NRIP1: variants seen among roughly 807,000 people sequenced by gnomAD.
NRIP1 encodes nuclear receptor-interacting protein 1.
A neutral mutation model predicts 75.0 loss-of-function variants in NRIP1; 28 were observed. That is an observed-to-expected ratio of 0.37 (90% confidence interval 0.28 to 0.51). The LOEUF (loss-of-function observed/expected upper bound fraction) is 0.51. Ranked by LOEUF, NRIP1 falls within the 20% of genes least tolerant of loss-of-function variation. NRIP1 has a pLI of 0.92. For synonymous variants in NRIP1, 526 were observed against 487.6 expected (o/e 1.08, Z -1.04); for missense variants, 1,435 against 1,343.7 (o/e 1.07, Z -1.06).
intron 2 of NRIP1, among the ~76,000 whole-genome samples, chr21:15,022,828 A>C (rs2088411200): frequency 6.6e-6 from 1 of 152,230 alleles, no homozygotes; most frequent in Admixed American, 6.5e-5. Flanking sequence ...GGGAAATAAA[A>C]ACCTGATGTC....
chr21:15,006,564 A>G (rs2087977498), intron 3 of NRIP1, among the ~76,000 whole-genome samples: 1 of 152,226 alleles, frequency 6.6e-6, no homozygotes, highest in Non-Finnish European at 1.5e-5. Flanking sequence ...AAGGTATGTC[A>G]TGATTAGTTC....
intron 3 of NRIP1, among the ~76,000 whole-genome samples, chr21:14,998,584 G>A (rs187720307): frequency 1.6e-3 from 246 of 152,274 alleles, no homozygotes; most frequent in African/African-American, 5.2e-3. Context: ...GGCTTGCACC[G>A]TGTGGGTCCA....
At chr21:15,029,520 T>C (rs2088595738) in intron 2 of NRIP1, among the ~76,000 whole-genome samples, 1 of 152,228 alleles carries the variant, frequency 6.6e-6, no homozygotes, top group African/African-American at 2.4e-5. Context: ...TAAGATACCA[T>C]AAATTGAATT....
chr21:14,964,921 C>T lies in NRIP1; in HGVS notation c.3272G>A (p.Arg1091Lys). ...GACACTTTCAGCAGATGAAGCCTCC[C>T]TCCAAATGTCCTTGTCTTGTGTTTC... ...SRETQDKDIW[R>K]EASSAESVSQ... Residue 1091 changes from arginine (R) to lysine (K), a missense_variant, in exon 4 of 4, where the codon AGG becomes AAG. Transcript: ENST00000318948. 3 of 1,613,680 alleles carry T rather than the reference C, an allele frequency of 1.9e-6. No homozygotes were observed. The highest frequency in any genetic ancestry group is 2.5e-6 in the Non-Finnish European group (3 of 1,179,768).
chr21:15,046,362 C>T (rs181653648), intron 1 of NRIP1, among the ~76,000 whole-genome samples: 57 of 152,276 alleles, frequency 3.7e-4, no homozygotes, highest in African/African-American at 1.3e-3. Flanking sequence ...TGACCAGGTG[C>T]GTGGTCAATA....
chr21:15,003,593 C>CTCCCCGCTGTCTCAGCAAGGTCG (rs2087897061), intron 3 of NRIP1, among the ~76,000 whole-genome samples: 1 of 152,200 alleles, frequency 6.6e-6, no homozygotes, highest in Non-Finnish European at 1.5e-5. Context: ...CAGGAGGCCC[C>CTCCCCGCTGTCTCAGCAAGGTCG]TCCCCGCTGT....
At chr21:15,017,604 A>G (rs2147190349) in intron 2 of NRIP1, among the ~76,000 whole-genome samples, 1 of 152,306 alleles carries the variant, frequency 6.6e-6, no homozygotes, top group African/African-American at 2.4e-5. Flanking sequence ...GGTTTAAGTT[A>G]CCCCAAATCA....
intron 3 of NRIP1, among the ~76,000 whole-genome samples, chr21:14,975,807 GGAATA>G (rs2087049075): frequency 6.6e-6 from 1 of 151,368 alleles, no homozygotes; most frequent in Non-Finnish European, 1.5e-5. Context: ...AGGACAGTTG[GGAATA>G]AATAATAAAT....
rs1010983934 is a variant in NRIP1 at position 14,968,460 on chromosome 21, T to A, written c.-268A>T. 1 of 347,974 alleles carries A rather than the reference T, an allele frequency of 2.9e-6. No individual in the cohort carries two copies. The highest frequency in any genetic ancestry group is 2.1e-5 in the African/African-American group (1 of 47,274). 21.6% of individuals were successfully genotyped at this position (347,974 alleles called of 1,614,324 possible). On this transcript the variant is annotated 5_prime_UTR_variant, in exon 4 of 4. Coordinates refer to ENST00000318948, the MANE Select transcript of NRIP1 (RefSeq NM_003489.4). ...GGTCTGTAGCAGTAAGCAGATAGAA[T>A]CCTTAGTGAATATATTCCTTTTCCT...
rs552104371 is a variant in NRIP1 at position 15,038,786 on chromosome 21, A to T, written c.-458+4709T>A. ...CCTATAAAGGCAAATTTTCAGAAAT[A>T]AAAAAAAATGTGTATCTTCTCCATG... is the stretch of plus-strand genomic sequence containing the variant. On this transcript the variant is annotated intron_variant, in intron 2 of 3. Coordinates refer to ENST00000318948, the MANE Select transcript of NRIP1 (RefSeq NM_003489.4). Among the ~76,000 whole-genome samples, 1,036 of 151,440 alleles carry T rather than the reference A, an allele frequency of 6.8e-3. 5 individuals are homozygous for T. The highest frequency in any genetic ancestry group is 0.012 in the Non-Finnish European group (806 of 67,718).
chr21:15,036,764 C>G (rs1262336361), intron 2 of NRIP1, among the ~76,000 whole-genome samples: 2 of 152,032 alleles, frequency 1.3e-5, no homozygotes, highest in East Asian at 1.9e-4. Flanking sequence ...AAAAAATACT[C>G]TTAAGAAATA....
At position 14,967,586 on chromosome 21, in the gene NRIP1, G is replaced by A; in HGVS notation, c.607C>T (p.Leu203Phe). 6.2e-7 allele frequency: 1 copy of A among 1,614,004 alleles called. No individual in the cohort carries two copies. Among genetic ancestry groups the A allele is most frequent in the Non-Finnish European group, 8.5e-7 (1 of 1,180,000 alleles). Residue 203 changes from leucine to phenylalanine, a missense_variant, in exon 4 of 4, where the codon CTT (leucine) becomes TTT (phenylalanine). Transcript: ENST00000318948. ...KVKDQKPDTN[L>F]PDVTKNLIRD... ...ATGAGGTTTTTAGTCACATCAGGAA[G>A]ATTCGTATCAGGCTTTTGATCTTTA...
intron 3 of NRIP1, among the ~76,000 whole-genome samples, chr21:15,001,821 A>T (rs2087855518): frequency 6.6e-6 from 1 of 152,158 alleles, no homozygotes; most frequent in Admixed American, 6.5e-5. Context: ...CTATGTCCAT[A>T]ACCACCTCCA....
intron 2 of NRIP1, among the ~76,000 whole-genome samples, chr21:15,017,454 G>C (rs930406195): frequency 1.1e-4 from 17 of 152,136 alleles, no homozygotes; most frequent in Non-Finnish European, 2.1e-4. Context: ...AGAACTAAGA[G>C]ACTTAACAGG....
At chr21:14,972,604 T>G (rs897036737) in intron 3 of NRIP1, among the ~76,000 whole-genome samples, 1 of 152,192 alleles carries the variant, frequency 6.6e-6, no homozygotes, top group Non-Finnish European at 1.5e-5. Context: ...CTTGAGTATA[T>G]TTAGTTACCA....
chr21:14,973,044 GGTTT>G (rs2086946891), intron 3 of NRIP1, among the ~76,000 whole-genome samples: 1 of 152,112 alleles, frequency 6.6e-6, no homozygotes, highest in African/African-American at 2.4e-5. Flanking sequence ...TGAATCCTCT[GGTTT>G]GTTATTTTCT....
intron 2 of NRIP1, among the ~76,000 whole-genome samples, chr21:15,016,388 C>G (rs1025213013): frequency 2.6e-5 from 4 of 152,066 alleles, no homozygotes; most frequent in African/African-American, 7.2e-5. Flanking sequence ...GTAGGGACCT[C>G]GGGAATTTCT....
rs924058346 is a variant in NRIP1 at position 14,965,886 on chromosome 21, A to T, written c.2307T>A (p.Asn769Lys). 6.2e-7 allele frequency: 1 copy of T among 1,614,112 alleles called. No individual in the cohort carries two copies. The highest frequency in any genetic ancestry group is 8.5e-7 in the Non-Finnish European group (1 of 1,179,988). Residue 769 changes from asparagine (N) to lysine (K), a missense_variant, in exon 4 of 4, where the codon AAT becomes AAA. By Grantham distance (94) the Asn-to-Lys change is moderately conservative (BLOSUM62 0). Coordinates refer to ENST00000318948, the MANE Select transcript of NRIP1 (RefSeq NM_003489.4). Reference sequence around the variant, plus strand: ...TCTTAGCATCATGGCTCAAGTGCACATTTGTGTTAGGAATTTGTAAGTCAT... The same window carrying T: ...TCTTAGCATCATGGCTCAAGTGCACTTTTGTGTTAGGAATTTGTAAGTCAT... ...PCDDLQIPNT[N>K]VHLSHDAKSA...
chr21:15,059,562 T>A (rs1249260499), intron 1 of NRIP1, among the ~76,000 whole-genome samples: 1 of 151,736 alleles, frequency 6.6e-6, no homozygotes, highest in Non-Finnish European at 1.5e-5. Context: ...AGAGGGAGAA[T>A]GGATGAATGG....
Sources: gnomAD v4.1 joint callset for allele counts (sites outside exome capture counted in the v4.1 genomes callset) on GRCh38, gnomAD v4.1.1 for gene constraint, MANE v1.5 for transcripts, NCBI Gene and HGNC (gene_info 2026-07-23, HGNC 2026-07-21) for gene names.